SUPT16H: variants seen among roughly 807,000 people sequenced by gnomAD.
SUPT16H encodes SPT16 homolog, facilitates chromatin remodeling subunit.
A neutral mutation model predicts 136.2 loss-of-function variants in SUPT16H; 24 were observed. The ratio of observed to expected loss-of-function variants is 0.18; its 90% CI spans 0.13 to 0.25. The LOEUF (loss-of-function observed/expected upper bound fraction) is 0.25. Among genes scored for constraint, SUPT16H ranks in the 10% least tolerant of loss-of-function variants. The pLI is 1.00. For missense variants in SUPT16H, 623 were observed against 1,270.2 expected (o/e 0.49, Z 7.74); for synonymous variants, 415 against 428.2 (o/e 0.97, Z 0.38).
chr14:21,362,202 C>T lies in SUPT16H; in HGVS notation c.1788G>A (p.Lys596=). ...GACTTTTCTTGGGGACTCACATTTC[C>T]TTGACAAAAGTCGCTTCAGGGTTAG... ...IFPNPEATFV[K]EITYRASNIK... Residue 596 remains lysine (K), a synonymous_variant, in exon 15 of 26, where the codon AAG becomes AAA. Coordinates refer to ENST00000216297, the MANE Select transcript of SUPT16H (RefSeq NM_007192.4). The T allele has an allele frequency of 6.2e-7, 1 of 1,611,304 alleles. No homozygotes were observed. The highest frequency in any genetic ancestry group is 1.7e-5 in the Admixed American group (1 of 59,656).
Position 21,353,470 on chromosome 14 carries a change from C to T in SUPT16H, c.2998+18G>A. ...TGTGCGTAGACAAATGAATAAAAAACAACACATTTTTAAAAACCTTTTCGG... is the reference window on the plus strand; with the variant it reads ...TGTGCGTAGACAAATGAATAAAAAATAACACATTTTTAAAAACCTTTTCGG... On this transcript the variant is annotated intron_variant, in intron 25 of 25. Transcript: ENST00000216297. The T allele has an allele frequency of 1.9e-6, 3 of 1,609,840 alleles. No individual in the cohort carries two copies. Among genetic ancestry groups the T allele is most frequent in the Non-Finnish European group, 2.5e-6 (3 of 1,178,230 alleles).
chr14:21,352,949 C>G (rs943287162), intron 25 of SUPT16H, 131 bp from the exon 26 acceptor site: 2 of 1,228,470 alleles, frequency 1.6e-6, no homozygotes, highest in Non-Finnish European at 1.1e-6. Flanking sequence ...CAAGTACTTT[C>G]TGAACCTTGG....
At chr14:21,369,063 C>T in intron 6 of SUPT16H, 141 bp downstream of exon 6, 2 of 896,536 alleles carry the variant, frequency 2.2e-6, no homozygotes, top group Non-Finnish European at 3.2e-6. Flanking sequence ...TGATGGACAC[C>T]CAAGATAATG....
intron 8 of SUPT16H, among the ~76,000 whole-genome samples, chr14:21,366,005 G>A (rs528068035): frequency 6.6e-6 from 1 of 152,282 alleles, no homozygotes; most frequent in African/African-American, 2.4e-5. Flanking sequence ...GGGGAGCTGA[G>A]ATGGGAGGAT....
rs968889429 is a variant in SUPT16H at position 21,357,482 on chromosome 14, G to T, written c.2491-116C>A. On this transcript the variant is annotated intron_variant, in intron 21 of 25. Coordinates refer to ENST00000216297, the MANE Select transcript of SUPT16H (RefSeq NM_007192.4). ...AAAAGATAACTTAAGCTGTTTTTTG[G>T]TTTTTTTTTTGAAAGACTGAGGCAG... The T allele has an allele frequency of 3.4e-5, 35 of 1,043,680 alleles. No homozygotes were observed. In the East Asian group the frequency reaches 5.8e-4, roughly 17 times the overall value. The allele number at this position is 1,043,680 out of a possible 1,614,324, so 64.7% of individuals were successfully genotyped here.
intron 2 of SUPT16H, chr14:21,372,380 A>C (rs1283293448): frequency 6.3e-6 from 2 of 315,916 alleles, no homozygotes; most frequent in Admixed American, 9.7e-5. Flanking sequence ...CAAGGGACAG[A>C]GTGATACAGA....
chr14:21,369,986 TTC>T, intron 4 of SUPT16H, 90 bp from the exon 5 acceptor site: 2 of 1,463,930 alleles, frequency 1.4e-6, no homozygotes, highest in Non-Finnish European at 1.9e-6. Context: ...CCAGTGATAT[TTC>T]TGTTATTTAG....
At chr14:21,354,266 A>G (rs556371369) in intron 23 of SUPT16H, 145 bp downstream of exon 23, 2 of 971,966 alleles carry the variant, frequency 2.1e-6, no homozygotes, top group South Asian at 3.5e-5. Flanking sequence ...CAATTTATCA[A>G]TTTGAAGAAA....
At chr14:21,381,092 A>G (rs1020674212) in intron 1 of SUPT16H, among the ~76,000 whole-genome samples, 3 of 151,942 alleles carry the variant, frequency 2.0e-5, no homozygotes, top group African/African-American at 7.3e-5. Context: ...CTGGATCTAG[A>G]CTCAAACCTC....
At chr14:21,355,928 A>C (rs1348275063) in intron 22 of SUPT16H, among the ~76,000 whole-genome samples, 1 of 152,210 alleles carries the variant, frequency 6.6e-6, no homozygotes, top group East Asian at 1.9e-4. Flanking sequence ...CTACAAAACA[A>C]AATATGAAAC....
chr14:21,358,870 C>T (rs1379966952), intron 19 of SUPT16H, among the ~76,000 whole-genome samples: 3 of 152,076 alleles, frequency 2.0e-5, no homozygotes, highest in African/African-American at 4.8e-5. Flanking sequence ...TGCGGTGGCG[C>T]GATCTTGGCC....
In SUPT16H at chr14:21,352,304, G is replaced by C. The variant is rs1886328525; in HGVS notation, c.*369C>G. The C allele has an allele frequency of 4.2e-6, 1 of 236,376 alleles. No homozygotes were observed. Among genetic ancestry groups the C allele is most frequent in the Non-Finnish European group, 8.6e-6 (1 of 116,850 alleles). The allele number at this position is 236,376 out of a possible 1,614,324, so 14.6% of individuals were successfully genotyped here. On this transcript the variant is annotated 3_prime_UTR_variant, in exon 26 of 26. Coordinates refer to ENST00000216297, the MANE Select transcript of SUPT16H (RefSeq NM_007192.4). ...CAAGAACCATGATACGGGTAATTAA[G>C]GGTCACCTTGTACCACTGTCTTGGA...
At chr14:21,362,971 T>C (rs745437886) in intron 13 of SUPT16H, 24 bp from the exon 14 acceptor site, 2 of 1,613,054 alleles carry the variant, frequency 1.2e-6, no homozygotes, top group Non-Finnish European at 1.7e-6. Flanking sequence ...AAAAAACAAC[T>C]GAGAAATTTC....
chr14:21,363,171 TTA>T, intron 12 of SUPT16H, 22 bp from the exon 13 acceptor site: 1 of 1,613,952 alleles, frequency 6.2e-7, no homozygotes, highest in Non-Finnish European at 8.5e-7. Flanking sequence ...AAAATCCAAT[TTA>T]TCACAACACG....
chr14:21,360,821 T>C, intron 17 of SUPT16H, 25 bp downstream of exon 17: 1 of 1,595,178 alleles, frequency 6.3e-7, no homozygotes. Flanking sequence ...AGAGAAAGCC[T>C]AGGTACAGGA....
intron 7 of SUPT16H, among the ~76,000 whole-genome samples, chr14:21,367,299 C>CT (rs1263683278): frequency 6.6e-6 from 1 of 151,712 alleles, no homozygotes; most frequent in Non-Finnish European, 1.5e-5. Context: ...TAATAAAATA[C>CT]TTTAAGAGTT....
intron 1 of SUPT16H, among the ~76,000 whole-genome samples, chr14:21,381,872 AT>A: frequency 6.6e-6 from 1 of 151,014 alleles, no homozygotes; most frequent in Middle Eastern, 3.4e-3. Context: ...GGGTACAGGC[AT>A]GAGTCACGGT....
intron 7 of SUPT16H, among the ~76,000 whole-genome samples, chr14:21,367,683 T>C (rs1886701095): frequency 6.6e-6 from 1 of 152,192 alleles, no homozygotes; most frequent in Non-Finnish European, 1.5e-5. Context: ...AACTAAGGAA[T>C]AGTAATAAGG....
chr14:21,357,921 A>G lies in SUPT16H; in HGVS notation c.2490+6T>C, dbSNP rs972088501. The G allele has an allele frequency of 1.9e-6, 3 of 1,612,284 alleles. No individual in the cohort carries two copies. Among genetic ancestry groups the G allele is most frequent in the Non-Finnish European group, 1.7e-6 (2 of 1,178,568 alleles). ...TTCTTACTAAAAGAAAGTAAGAAAC[A>G]CTCACCCATTCCGTAGCATTTACCA... On this transcript the variant is annotated splice_donor_region_variant and intron_variant, in intron 21 of 25. Coordinates refer to ENST00000216297, the MANE Select transcript of SUPT16H (RefSeq NM_007192.4).
Sources: gnomAD v4.1 joint callset for allele counts (sites outside exome capture counted in the v4.1 genomes callset) on GRCh38, gnomAD v4.1.1 for gene constraint, MANE v1.5 for transcripts, NCBI Gene and HGNC (gene_info 2026-07-23, HGNC 2026-07-21) for gene names.